Variants in PRKG1 observed in about 807,000 individuals in gnomAD.
The protein encoded by PRKG1 is protein kinase cGMP-dependent 1.
PRKG1 carries 35 observed loss-of-function variants against 88.1 expected under a neutral mutation model. The observed-to-expected ratio is 0.40, with a 90% CI of 0.30 to 0.53. The LOEUF (loss-of-function observed/expected upper bound fraction) is 0.53. PRKG1 is among the 20% of genes least tolerant of loss of function. PRKG1 has a pLI of 0.59. For synonymous variants in PRKG1, 303 were observed against 292.5 expected (o/e 1.04, Z -0.37); for missense variants, 540 against 839.8 (o/e 0.64, Z 4.41).
chr10:52,114,347 T>G (rs1847637224), intron 7 of PRKG1, among the ~76,000 whole-genome samples: 1 of 152,096 alleles, frequency 6.6e-6, no homozygotes, highest in Non-Finnish European at 1.5e-5. Flanking sequence ...CTTCAATTTC[T>G]TCGTCTATTG....
At chr10:51,981,546 A>T (rs2133110033) in intron 5 of PRKG1, among the ~76,000 whole-genome samples, 1 of 152,254 alleles carries the variant, frequency 6.6e-6, no homozygotes, top group South Asian at 2.1e-4. Context: ...AGATCACGCC[A>T]CTGTGCTTCA....
At chr10:51,899,177 T>G (rs1841923728) in intron 4 of PRKG1, among the ~76,000 whole-genome samples, 1 of 152,142 alleles carries the variant, frequency 6.6e-6, no homozygotes, top group South Asian at 2.1e-4. Flanking sequence ...TACATCAATT[T>G]TAATCACCAT....
chr10:52,037,259 C>A (rs898663358), intron 5 of PRKG1, among the ~76,000 whole-genome samples: 6 of 152,148 alleles, frequency 3.9e-5, no homozygotes, highest in African/African-American at 1.4e-4. Flanking sequence ...TCTGGAGGAG[C>A]CTGGCCGCTG....
At chr10:51,221,613 T>C in intron 2 of PRKG1, among the ~76,000 whole-genome samples, 1 of 126,674 alleles carries the variant, frequency 7.9e-6, no homozygotes, top group East Asian at 2.3e-4. Context: ...CAATGTGTTC[T>C]AAAAAAAAAA....
intron 9 of PRKG1, among the ~76,000 whole-genome samples, chr10:52,213,621 T>A (rs1234596622): frequency 6.6e-6 from 1 of 152,188 alleles, no homozygotes; most frequent in Non-Finnish European, 1.5e-5. Flanking sequence ...AGCAGGAAGC[T>A]GGGTTCAACT....
At chr10:51,606,032 A>C (rs1024025814) in intron 3 of PRKG1, among the ~76,000 whole-genome samples, 1 of 152,222 alleles carries the variant, frequency 6.6e-6, no homozygotes, top group Non-Finnish European at 1.5e-5. Flanking sequence ...AGAACTTTAA[A>C]AAAATTTATC....
chr10:51,226,283 A>G (rs1002827007), intron 2 of PRKG1, among the ~76,000 whole-genome samples: 1 of 152,238 alleles, frequency 6.6e-6, no homozygotes, highest in Admixed American at 6.5e-5. Flanking sequence ...TTTTTTAGGA[A>G]AGAAAAAGTT....
intron 3 of PRKG1, among the ~76,000 whole-genome samples, chr10:51,617,961 G>T (rs1413109509): frequency 1.3e-5 from 2 of 152,204 alleles, no homozygotes; most frequent in African/African-American, 4.8e-5. Flanking sequence ...CTGGAAAAAG[G>T]ATAATCATTC....
chr10:51,345,499 G>C (rs1842093074), intron 2 of PRKG1, among the ~76,000 whole-genome samples: 1 of 151,928 alleles, frequency 6.6e-6, no homozygotes, highest in Non-Finnish European at 1.5e-5. Flanking sequence ...TTAGTTATGG[G>C]ATATTTCACC....
intron 1 of PRKG1, among the ~76,000 whole-genome samples, chr10:51,140,589 A>G (rs903117368): frequency 2.0e-5 from 3 of 152,332 alleles, no homozygotes; most frequent in Admixed American, 6.5e-5. Flanking sequence ...GTGAGATAAC[A>G]TGTGCAAAAA....
At chr10:52,066,534 T>C (rs7920290) in intron 7 of PRKG1, among the ~76,000 whole-genome samples, 26,269 of 152,058 alleles carry the variant, frequency 0.17, 2,853 homozygotes, top group South Asian at 0.28. Flanking sequence ...TTGATCACAT[T>C]CAGGACTTGA....
At chr10:51,560,111 A>G (rs1837420016) in intron 3 of PRKG1, among the ~76,000 whole-genome samples, 1 of 152,080 alleles carries the variant, frequency 6.6e-6, no homozygotes, top group Non-Finnish European at 1.5e-5. Flanking sequence ...AGAGCCTTCC[A>G]TATTATGTTC....
chr10:51,421,087 A>T (rs923358510), intron 2 of PRKG1, among the ~76,000 whole-genome samples: 1 of 152,178 alleles, frequency 6.6e-6, no homozygotes, highest in African/African-American at 2.4e-5. Flanking sequence ...CTATATCACA[A>T]GTCTTTGTTG....
At chr10:52,158,013 T>C (rs1484874935) in intron 8 of PRKG1, among the ~76,000 whole-genome samples, 1 of 151,670 alleles carries the variant, frequency 6.6e-6, no homozygotes, top group Non-Finnish European at 1.5e-5. Flanking sequence ...TTGAATGAAA[T>C]ATGTGCATGC....
intron 3 of PRKG1, among the ~76,000 whole-genome samples, chr10:51,623,941 T>G (rs1175714639): frequency 6.6e-6 from 1 of 152,030 alleles, no homozygotes; most frequent in Non-Finnish European, 1.5e-5. Context: ...TTTTTCTCTC[T>G]AAAAAATAGA....
At chr10:51,187,659 G>A (rs1367298345) in intron 2 of PRKG1, among the ~76,000 whole-genome samples, 1 of 151,830 alleles carries the variant, frequency 6.6e-6, no homozygotes, top group Non-Finnish European at 1.5e-5. Flanking sequence ...CTAAAATGTG[G>A]CCCATCATTC....
chr10:51,344,720 G>T (rs1012224881), intron 2 of PRKG1, among the ~76,000 whole-genome samples: 3 of 152,058 alleles, frequency 2.0e-5, no homozygotes, highest in Non-Finnish European at 4.4e-5. Flanking sequence ...TGAAGAGAAG[G>T]TTCATGATAT....
intron 3 of PRKG1, among the ~76,000 whole-genome samples, chr10:51,535,071 T>G (rs1308345523): frequency 6.6e-6 from 1 of 152,186 alleles, no homozygotes; most frequent in Admixed American, 6.5e-5. Context: ...ATAGGGGTAC[T>G]TTGGAAGTAT....
chr10:51,230,545 A>C (rs748137583), intron 2 of PRKG1, among the ~76,000 whole-genome samples: 59 of 152,306 alleles, frequency 3.9e-4, no homozygotes, highest in Middle Eastern at 6.8e-3. Context: ...GTCCATACTA[A>C]AGAGTTAAAT....
Sources: gnomAD v4.1 joint callset for allele counts (sites outside exome capture counted in the v4.1 genomes callset) on GRCh38, gnomAD v4.1.1 for gene constraint, MANE v1.5 for transcripts, NCBI Gene and HGNC (gene_info 2026-07-23, HGNC 2026-07-21) for gene names.